The following GHR variants were observed in gnomAD, a reference collection of about 807,000 sequenced individuals.
GHR encodes growth hormone receptor.
Under a neutral mutation model 67.1 loss-of-function variants are expected in GHR, and 35 were observed. That is an observed-to-expected ratio of 0.52 (90% CI 0.40 to 0.69). GHR has a LOEUF of 0.69. Ranked by LOEUF, GHR falls within the 30% of genes least tolerant of loss-of-function variation. The probability of loss-of-function intolerance (pLI) is 0.00; values close to 1 mark genes in which losing one functional copy is unlikely to be tolerated. For missense variants in GHR, 792 were observed against 764.6 expected (o/e 1.04, Z -0.42); for synonymous variants, 272 against 269.1 (o/e 1.01, Z -0.10).
rs563384976 is a variant in GHR at position 42,469,178 on chromosome 5, T to A, written c.-12+45223T>A. 1.4e-4 allele frequency among the ~76,000 whole-genome samples: 22 copies of A among 152,358 alleles called. No homozygotes were observed. The East Asian group carries it at 3.9e-3, about 27-fold the overall frequency. On this transcript the variant is annotated intron_variant, in intron 1 of 9. Coordinates refer to ENST00000230882, the MANE Select transcript of GHR (RefSeq NM_000163.5). ...CCTTATTGTCTGTTTTATTATTTAC[T>A]GCTAACAAACTGCATTCTCTCACTG...
intron 3 of GHR, chr5:42,646,282 C>T: frequency 2.2e-6 from 1 of 448,608 alleles, no homozygotes; most frequent in Non-Finnish European, 4.5e-6. Flanking sequence ...ATGAACCCTG[C>T]AAATTGAACC....
intron 1 of GHR, among the ~76,000 whole-genome samples, chr5:42,534,836 A>T (rs56219692): frequency 0.17 from 25,888 of 150,994 alleles, 2,435 homozygotes; most frequent in Non-Finnish European, 0.19. Flanking sequence ...TTTTATTATT[A>T]TTTTTTTTAT....
At chr5:42,698,573 C>T (rs759673696) in intron 5 of GHR, among the ~76,000 whole-genome samples, 2 of 152,074 alleles carry the variant, frequency 1.3e-5, no homozygotes, top group Admixed American at 6.6e-5. Context: ...AAGGTGGTGT[C>T]GACCCCACAG....
chr5:42,502,869 A>G (rs1746598987), intron 1 of GHR, among the ~76,000 whole-genome samples: 1 of 149,868 alleles, frequency 6.7e-6, no homozygotes, highest in African/African-American at 2.4e-5. Context: ...TAATTTATAC[A>G]TATGTATAAT....
rs55876651 is a variant in GHR, at chr5:42,670,880, A to AATAT, written c.137-17996_137-17993dup. On this transcript the variant is annotated intron_variant, in intron 3 of 9. Transcript: ENST00000230882. ...AAGCAAAAATTAAAAAAAAAAAAAA[A>AATAT]ATATATATATATATATAGGCAACAA... 8.4e-3 allele frequency among the ~76,000 whole-genome samples: 997 copies of AATAT among 118,148 alleles called. 7 individuals carry two copies. Among genetic ancestry groups the AATAT allele is most frequent in the Middle Eastern group, 0.015 (3 of 202 alleles). 77.5% of individuals were successfully genotyped at this position (118,148 alleles called of 152,430 possible). A position where few individuals can be genotyped will look rare whatever the true frequency, so the allele number is the denominator to read the frequency against.
At chr5:42,496,984 C>T (rs1746348054) in intron 1 of GHR, among the ~76,000 whole-genome samples, 2 of 152,158 alleles carry the variant, frequency 1.3e-5, no homozygotes, top group African/African-American at 4.8e-5. Context: ...ATTCAGTGCT[C>T]TTGGGGCCAG....
intron 1 of GHR, among the ~76,000 whole-genome samples, chr5:42,475,567 A>G (rs1385504287): frequency 6.6e-6 from 1 of 150,672 alleles, no homozygotes; most frequent in African/African-American, 2.4e-5. Context: ...GGTCATGCGC[A>G]TTTTGTATTT....
chr5:42,646,326 T>C (rs1754725040), intron 3 of GHR: 1 of 454,606 alleles, frequency 2.2e-6, no homozygotes, highest in Admixed American at 2.4e-5. Flanking sequence ...ATTCTTCTCT[T>C]TGCAGGATGG....
At chr5:42,524,221 A>T (rs760422017) in intron 1 of GHR, among the ~76,000 whole-genome samples, 1 of 152,176 alleles carries the variant, frequency 6.6e-6, no homozygotes, top group Non-Finnish European at 1.5e-5. Context: ...CTTCCTAGGG[A>T]CTTATTGAAT....
At position 42,630,949 on chromosome 5, in the gene GHR, C is replaced by A. The variant is rs547063896; in HGVS notation, c.136+1846C>A. The stretch of plus-strand genomic sequence containing the variant: ...AAAGGTAGCTTTTTGGACATGAAAA[C>A]GGAAATGCCTGTTCCCATTTAGGGC... On this transcript the variant is annotated intron_variant, in intron 3 of 9. Transcript: ENST00000230882. Among the ~76,000 whole-genome samples, 501 of 143,620 alleles carry A rather than the reference C, an allele frequency of 3.5e-3. 8 individuals are homozygous for A. Among genetic ancestry groups the A allele is most frequent in the Middle Eastern group, 0.028 (8 of 282 alleles). The allele number at this position is 143,620 out of a possible 152,430, so 94.2% of individuals were successfully genotyped here. A position where few individuals can be genotyped will look rare whatever the true frequency, so the allele number is the denominator to read the frequency against.
intron 2 of GHR, among the ~76,000 whole-genome samples, chr5:42,605,483 G>C (rs1240882172): frequency 6.6e-6 from 1 of 152,006 alleles, no homozygotes; most frequent in Non-Finnish European, 1.5e-5. Flanking sequence ...AATGTCCCAA[G>C]TCCTAAGTTA....
rs557986103 is a variant in GHR, at chr5:42,640,058, C to T, written c.136+10955C>T. ...TGACACAGATAAGTAACCTAACTGC[C>T]TTCTCAAATCTGAGAGCAGTAGATG... On this transcript the variant is annotated intron_variant, in intron 3 of 9. Coordinates refer to ENST00000230882, the MANE Select transcript of GHR (RefSeq NM_000163.5). 1.6e-4 allele frequency among the ~76,000 whole-genome samples: 25 copies of T among 152,234 alleles called. No individual in the cohort carries two copies. The South Asian group carries it at 5.0e-3, about 30-fold the overall frequency.
intron 6 of GHR, among the ~76,000 whole-genome samples, chr5:42,700,246 T>C (rs1420423181): frequency 6.6e-6 from 1 of 152,224 alleles, no homozygotes; most frequent in Non-Finnish European, 1.5e-5. Context: ...CCATTCATTC[T>C]TGCTGTCCAG....
intron 1 of GHR, among the ~76,000 whole-genome samples, chr5:42,487,528 A>C (rs1419457259): frequency 6.6e-6 from 1 of 152,192 alleles, no homozygotes; most frequent in Non-Finnish European, 1.5e-5. Flanking sequence ...AAATAAGACA[A>C]TGAAAAAAGA....
At chr5:42,622,764 A>T (rs533608851) in intron 2 of GHR, among the ~76,000 whole-genome samples, 1 of 152,116 alleles carries the variant, frequency 6.6e-6, no homozygotes, top group Non-Finnish European at 1.5e-5. Context: ...TGATTCTCCT[A>T]CTCTTGCTTC....
chr5:42,671,153 A>C (rs1580169604), intron 3 of GHR, among the ~76,000 whole-genome samples: 5 of 152,320 alleles, frequency 3.3e-5, no homozygotes, highest in African/African-American at 1.2e-4. Flanking sequence ...ATAAAGAACA[A>C]AGGCTTAATT....
intron 4 of GHR, 42 bp from the exon 5 acceptor site, chr5:42,694,875 G>A (rs751609194): frequency 2.7e-6 from 4 of 1,459,718 alleles, no homozygotes; most frequent in Non-Finnish European, 3.8e-6. Context: ...GCTACAACAT[G>A]ATTTTTGGAA....
At chr5:42,440,860 A>T (rs1743534575) in intron 1 of GHR, among the ~76,000 whole-genome samples, 1 of 152,152 alleles carries the variant, frequency 6.6e-6, no homozygotes. Context: ...GTCATGGTAA[A>T]CTCCAAGGTA....
intron 1 of GHR, among the ~76,000 whole-genome samples, chr5:42,450,810 C>T (rs1378221402): frequency 6.6e-6 from 1 of 151,984 alleles, no homozygotes; most frequent in African/African-American, 2.4e-5. Flanking sequence ...TGTTGTATCC[C>T]ATAGGTTTTG....
Sources: gnomAD v4.1 joint callset for allele counts (sites outside exome capture counted in the v4.1 genomes callset) on GRCh38, gnomAD v4.1.1 for gene constraint, MANE v1.5 for transcripts, NCBI Gene and HGNC (gene_info 2026-07-23, HGNC 2026-07-21) for gene names.